ARHGAP4: variants seen among roughly 807,000 people sequenced by gnomAD.
ARHGAP4 encodes Rho GTPase activating protein 4.
A neutral mutation model predicts 67.6 loss-of-function variants in ARHGAP4; 25 were observed. That is an observed-to-expected ratio of 0.37 (90% CI 0.27 to 0.52). ARHGAP4 has a LOEUF of 0.52. ARHGAP4 is among the 20% of genes least tolerant of loss of function. The probability of loss-of-function intolerance (pLI) is 0.92; values close to 1 mark genes in which losing one functional copy is unlikely to be tolerated. For missense variants in ARHGAP4, 804 were observed against 854.6 expected, an observed-to-expected ratio of 0.94 and a Z score of 0.74; for synonymous variants, 448 against 373.7, an observed-to-expected ratio of 1.20 and a Z score of -2.29.
intron 5 of ARHGAP4, chrX:153,919,826 G>A (rs1347469930): frequency 1.3e-5 from 8 of 624,825 alleles, no homozygotes; most frequent in East Asian, 8.0e-5. Context: ...TCGCTCTGTC[G>A]CCCAGGCTGG....
chrX:153,926,109 GGCCGGGAGCGCCCGGCGCCCTCTC>G lies in ARHGAP4; in HGVS notation c.67+3_67+26del. On this transcript the variant is annotated splice_donor_5th_base_variant and intron_variant, in intron 1 of 21. Transcript: ENST00000350060. ...GACCTTGGGTTCTCCGCAGGAAACG[GGCCGGGAGCGCCCGGCGCCCTCTC>G]ACCTTTGACTTGCGTCTCATACTCA... The G allele has an allele frequency of 8.3e-7, 1 of 1,200,756 alleles. No homozygotes were observed. The highest frequency in any genetic ancestry group is 1.1e-6 in the Non-Finnish European group (1 of 889,646).
chrX:153,910,457 T>TC, intron 16 of ARHGAP4, 49 bp downstream of exon 16: 3 of 1,083,258 alleles, frequency 2.8e-6, no homozygotes, highest in Admixed American at 2.4e-5. Context: ...AGTCCCCCTG[T>TC]CCCCTCGACC....
rs1158756454 is a variant in ARHGAP4 at position 153,909,138 on chromosome X, C to T, written c.2539G>A (p.Gly847Arg). Residue 847 changes from glycine (G) to arginine (R), a missense_variant, in exon 21 of 22, where the codon GGA becomes AGA. Physicochemically the swap from Gly to Arg is moderately radical, Grantham distance 125. This residue lies in a region of ARHGAP4 where 400 missense variants were observed against 348.7 expected (regional missense o/e 1.15). Coordinates refer to ENST00000350060, the MANE Select transcript of ARHGAP4 (RefSeq NM_001666.5). ...CAGCGTCGTCTGTGTCCAGAGGGTC[C>T]CATGGCCTCAGGTGAGGTGCATGGC... ...PEPCTSPEAMGPSGHRRRCLV... is the reference protein window; with the variant it reads ...PEPCTSPEAMRPSGHRRRCLV... 8.3e-7 allele frequency: 1 copy of T among 1,209,541 alleles called. No homozygotes were observed. Among genetic ancestry groups the T allele is most frequent in the Non-Finnish European group, 1.1e-6 (1 of 894,989 alleles).
rs781808140 is a variant in ARHGAP4 at position 153,921,422 on chromosome X, C to A, written c.378G>T (p.Gly126=). The A allele has an allele frequency of 9.1e-6, 11 of 1,209,008 alleles. No homozygotes were observed. Among genetic ancestry groups the A allele is most frequent in the Non-Finnish European group, 1.1e-5 (10 of 894,889 alleles). The change falls in exon 3 of 22, where the codon GGG becomes GGT. Residue 126 remains glycine (G), a synonymous_variant. Transcript: ENST00000350060. ...TGTGACTCAGGCGCTGGGCCAGGGG[C>A]CCGGCCAGCACCTCACTCAGGGCCG... ...ESAALSEVLA[G]PLAQRLSHIA... is the part of the protein sequence containing the mutation.
rs782763934 is a variant in ARHGAP4, at chrX:153,926,123, G to A, written c.67+13C>T. The A allele has an allele frequency of 2.2e-5, 26 of 1,202,262 alleles. No homozygotes were observed. The South Asian group carries it at 3.9e-4, about 18-fold the overall frequency. ...CGCAGGAAACGGGCCGGGAGCGCCC[G>A]GCGCCCTCTCACCTTTGACTTGCGT... On this transcript the variant is annotated intron_variant, in intron 1 of 21. Transcript: ENST00000350060.
chrX:153,921,572 C>T (rs2065094846), intron 2 of ARHGAP4, 33 bp downstream of exon 2: 1 of 1,202,914 alleles, frequency 8.3e-7, no homozygotes, highest in Non-Finnish European at 1.1e-6. Flanking sequence ...AGCTTGGGCC[C>T]TGCCGTGGCC....
At position 153,909,877 on chromosome X, in the gene ARHGAP4, G is replaced by A. The variant is rs782356887; in HGVS notation, c.2278C>T (p.Arg760Cys). 11 of 1,204,330 alleles carry A rather than the reference G, an allele frequency of 9.1e-6. No individual in the cohort carries two copies. The highest frequency in any genetic ancestry group is 6.0e-5 in the East Asian group (2 of 33,576). The change falls in exon 19 of 22, where the codon CGC becomes TGC. Residue 760 changes from arginine to cysteine, a missense_variant. Physicochemically the swap from Arg to Cys is radical, Grantham distance 180. This residue lies in a region of ARHGAP4 where 400 missense variants were observed against 348.7 expected (regional missense o/e 1.15). Coordinates refer to ENST00000350060, the MANE Select transcript of ARHGAP4 (RefSeq NM_001666.5). ...EAVACFAYTG[R>C]TAQELSFRRG... Reference sequence around the variant, plus strand: ...CGGAAGCTCAGCTCCTGGGCTGTGCGGCCCGTGTAGGCAAAGCAGGCCACA... The same window carrying A: ...CGGAAGCTCAGCTCCTGGGCTGTGCAGCCCGTGTAGGCAAAGCAGGCCACA...
Position 153,910,553 on chromosome X carries a change from G to C in ARHGAP4, c.1875C>G (p.Pro625=). The change falls in exon 16 of 22, where the codon CCC becomes CCG. Residue 625 remains proline (P), a synonymous_variant. Coordinates refer to ENST00000350060, the MANE Select transcript of ARHGAP4 (RefSeq NM_001666.5). The part of the protein sequence containing the change: ...EHVSRLLWRL[P]APVLVVLRYL... Reference sequence around the variant, plus strand: ...AGCGCAGAACCACCAGCACCGGCGCGGGCAGCCGCCACAGCAGGCGGCTCA... The same window carrying C: ...AGCGCAGAACCACCAGCACCGGCGCCGGCAGCCGCCACAGCAGGCGGCTCA... The C allele has an allele frequency of 2.5e-6, 3 of 1,205,043 alleles. No homozygotes were observed. Among genetic ancestry groups the C allele is most frequent in the Non-Finnish European group, 3.4e-6 (3 of 893,988 alleles).
chrX:153,920,578 A>G, intron 5 of ARHGAP4, 48 bp downstream of exon 5: 1 of 1,133,320 alleles, frequency 8.8e-7, no homozygotes, highest in Non-Finnish European at 1.2e-6. Flanking sequence ...GGTCCTAGTT[A>G]GGGCCCATGG....
intron 8 of ARHGAP4, 29 bp downstream of exon 8, chrX:153,913,749 C>A (rs368073382): frequency 1.7e-6 from 2 of 1,200,573 alleles, no homozygotes; most frequent in African/African-American, 3.5e-5. Context: ...GCCCTCGTCT[C>A]CCTCTAACCC....
chrX:153,921,819 G>T lies in ARHGAP4; in HGVS notation c.68-10C>A. On this transcript the variant is annotated splice_polypyrimidine_tract_variant and intron_variant, in intron 1 of 21. Transcript: ENST00000350060. ...AGCTGCCAGCGCATCTCTGTGGGGGGAACCATGGCTCAGGCCTGGTCAGCA... is the reference window on the plus strand; with the variant it reads ...AGCTGCCAGCGCATCTCTGTGGGGGTAACCATGGCTCAGGCCTGGTCAGCA... 1 of 1,178,801 alleles carries T rather than the reference G, an allele frequency of 8.5e-7. No individual in the cohort carries two copies. The highest frequency in any genetic ancestry group is 1.1e-6 in the Non-Finnish European group (1 of 881,357).
rs782786944 is a variant in ARHGAP4, at chrX:153,910,556, C to T, written c.1872G>A (p.Leu624=). ...GCAGAACCACCAGCACCGGCGCGGG[C>T]AGCCGCCACAGCAGGCGGCTCACGT... The part of the protein sequence containing the change: ...VEHVSRLLWR[L]PAPVLVVLRY... The change falls in exon 16 of 22, where the codon CTG becomes CTA. Residue 624 remains leucine (L), a synonymous_variant. Coordinates refer to ENST00000350060, the MANE Select transcript of ARHGAP4 (RefSeq NM_001666.5). 2.7e-5 allele frequency: 32 copies of T among 1,204,435 alleles called. 2 individuals carry two copies. In the South Asian group the frequency reaches 5.1e-4, roughly 19 times the overall value.
At position 153,913,791 on chromosome X, in the gene ARHGAP4, A is replaced by G. The variant is rs2065037607; in HGVS notation, c.1121T>C (p.Ile374Thr). The change falls in exon 8 of 22, where the codon ATT becomes ACT. Residue 374 changes from isoleucine (I) to threonine (T), a missense_variant. Physicochemically the swap from Ile to Thr is moderately conservative, Grantham distance 89. Around this residue, in one of 2 missense-constraint regions of ARHGAP4, gnomAD observed 404 missense variants for 505.9 expected, o/e 0.80. Transcript: ENST00000350060. ...NIQSRLDRQT[I>T]ETEEVNKTLK... Reference sequence around the variant, plus strand: ...GGCTGCCCAGACCTCCTCTGTCTCAATGGTCTGTCGGTCCAGGCGGCTCTG... The same window carrying G: ...GGCTGCCCAGACCTCCTCTGTCTCAGTGGTCTGTCGGTCCAGGCGGCTCTG... The G allele has an allele frequency of 4.1e-6, 5 of 1,211,580 alleles. No individual in the cohort carries two copies. In the South Asian group the frequency reaches 5.3e-5, roughly 13 times the overall value.
At position 153,921,528 on chromosome X, in the gene ARHGAP4, C is replaced by A; in HGVS notation, c.273-1G>T. On this transcript the variant is annotated splice_acceptor_variant, in intron 2 of 21. Transcript: ENST00000350060. LOFTEE classifies it high-confidence loss of function. ...GGGCGACAGGAGGGACGGCTCCTTC[C>A]TGGGGGTAGAGGGGCACTGAGACCT... is the stretch of plus-strand genomic sequence containing the variant. 1 of 1,195,506 alleles carries A rather than the reference C, an allele frequency of 8.4e-7. No homozygotes were observed.
chrX:153,908,097 T>C (rs1557101714), intron 21 of ARHGAP4, 135 bp from the exon 22 acceptor site: 3 of 435,281 alleles, frequency 6.9e-6, no homozygotes. Flanking sequence ...TCCAGGTCAC[T>C]CTCCCCCACT....
At chrX:153,924,056 G>C (rs1412654683) in intron 1 of ARHGAP4, among the ~76,000 whole-genome samples, 1 of 112,154 alleles carries the variant, frequency 8.9e-6, no homozygotes, top group African/African-American at 3.2e-5. Context: ...TGGGATTACA[G>C]ACGTGAGCCA....
In ARHGAP4 at chrX:153,913,287, G is replaced by A. The variant is rs782096881; in HGVS notation, c.1342C>T (p.Leu448=). The A allele has an allele frequency of 2.5e-6, 3 of 1,178,367 alleles. No homozygotes were observed. In the African/African-American group the frequency reaches 5.3e-5, roughly 21 times the overall value. The change falls in exon 10 of 22, where the codon CTG becomes TTG. Residue 448 remains leucine (L), a synonymous_variant. Coordinates refer to ENST00000350060, the MANE Select transcript of ARHGAP4 (RefSeq NM_001666.5). ...TTGGCGAGGATGCTCCGTCCACTCA[G>A]ATACTCCTGGAGCTTCTGGGCAGCC... ...TFYLTKLQEY[L]SGRSILAKLQ... is the part of the protein sequence containing the mutation.
intron 5 of ARHGAP4, chrX:153,920,343 C>T (rs2065084319): frequency 1.7e-5 from 6 of 347,468 alleles, no homozygotes; most frequent in Non-Finnish European, 3.0e-5. Flanking sequence ...TGTCTTCTTG[C>T]CCCCCTCTGA....
Position 153,920,764 on chromosome X carries a change from G to T in ARHGAP4, c.543C>A (p.Ala181=). The T allele has an allele frequency of 8.3e-7, 1 of 1,212,043 alleles. No homozygotes were observed. Among genetic ancestry groups the T allele is most frequent in the Non-Finnish European group, 1.1e-6 (1 of 895,585 alleles). The change falls in exon 5 of 22, where the codon GCC becomes GCA. Residue 181 remains alanine (A), a synonymous_variant. Coordinates refer to ENST00000350060, the MANE Select transcript of ARHGAP4 (RefSeq NM_001666.5). ...GCTCGGCCTCCCGGAGCTTGGCCTC[G>T]GCATTCACGCTCTCCATGTGATATG... ...YQAYHMESVN[A]EAKLREAERQ...
Sources: allele counts gnomAD v4.1 joint callset (sites outside exome capture counted in the v4.1 genomes callset), GRCh38; gene constraint gnomAD v4.1.1; regional missense constraint gnomAD v4.1.1; transcripts MANE v1.5; gene names NCBI Gene and HGNC (gene_info 2026-07-23, HGNC 2026-07-21).